The following TOR1AIP2 variants were observed in gnomAD, a reference collection of about 807,000 sequenced individuals.
The protein encoded by TOR1AIP2 is torsin-1A-interacting protein 2.
In TOR1AIP2, 20 loss-of-function variants were observed where a neutral mutation model predicts 32.6. That is an observed-to-expected ratio of 0.61 (90% CI 0.43 to 0.89). TOR1AIP2 has a LOEUF of 0.89. Ranked by LOEUF, TOR1AIP2 falls within the 40% of genes least tolerant of loss-of-function variation. The probability of loss-of-function intolerance (pLI) is 0.00; values close to 1 mark genes in which losing one functional copy is unlikely to be tolerated. For synonymous variants in TOR1AIP2, 214 were observed against 210.8 expected (o/e 1.02, Z -0.13); for missense variants, 456 against 553.8 (o/e 0.82, Z 1.77).
chr1:179,854,947 A>G (rs902459122), intron 3 of TOR1AIP2, among the ~76,000 whole-genome samples: 3 of 152,204 alleles, frequency 2.0e-5, no homozygotes, highest in African/African-American at 7.2e-5. Flanking sequence ...AACAGTATAC[A>G]GAATAGAGAG....
At chr1:179,848,916 G>A (rs1382196926) in intron 5 of TOR1AIP2, among the ~76,000 whole-genome samples, 14 of 152,084 alleles carry the variant, frequency 9.2e-5, no homozygotes, top group Non-Finnish European at 1.5e-4. Flanking sequence ...GGATCACAAG[G>A]TCAGGAGATC....
At chr1:179,858,162 A>G (rs1696377370) in intron 3 of TOR1AIP2, among the ~76,000 whole-genome samples, 1 of 152,158 alleles carries the variant, frequency 6.6e-6, no homozygotes, top group African/African-American at 2.4e-5. Flanking sequence ...AAAAACAAAC[A>G]AAATAAATAT....
intron 2 of TOR1AIP2, among the ~76,000 whole-genome samples, chr1:179,871,440 TAA>T (rs1697007483): frequency 6.6e-6 from 1 of 152,230 alleles, no homozygotes; most frequent in Non-Finnish European, 1.5e-5. Flanking sequence ...ACTTTTTAAT[TAA>T]CTTCTCTAAA....
intron 2 of TOR1AIP2, among the ~76,000 whole-genome samples, chr1:179,871,886 C>A (rs563393148): frequency 9.2e-5 from 14 of 152,150 alleles, no homozygotes; most frequent in African/African-American, 3.4e-4. Flanking sequence ...AATCATTCTT[C>A]TTTTTGAATT....
At chr1:179,847,672 G>C (rs1290165582) in intron 5 of TOR1AIP2, 36 bp from the exon 6 acceptor site, 1 of 1,328,746 alleles carries the variant, frequency 7.5e-7, no homozygotes, top group African/African-American at 1.4e-5. Flanking sequence ...TTTTTAGGCA[G>C]TACACTAATG....
rs1696108264 is a variant in TOR1AIP2 at position 179,851,301 on chromosome 1, T to C, written c.97A>G (p.Ile33Val). The C allele has an allele frequency of 2.5e-6, 4 of 1,606,846 alleles. No individual in the cohort carries two copies. The highest frequency in any genetic ancestry group is 1.3e-5 in the African/African-American group (1 of 74,704). The change falls in exon 5 of 7, where the codon ATA becomes GTA. Residue 33 changes from isoleucine (I) to valine (V), a missense_variant. Transcript: ENST00000609928. ...VNSQAQETTI[I>V]ASNAEEAEIL... ...TCAGCTTCTTCAGCATTACTTGCTA[T>C]GATTGTGGTCTCCTGCGCCTGAGAA...
chr1:179,854,295 T>C (rs1247816246), intron 3 of TOR1AIP2, among the ~76,000 whole-genome samples: 1 of 152,060 alleles, frequency 6.6e-6, no homozygotes, highest in Admixed American at 6.6e-5. Flanking sequence ...GAGAAAAATA[T>C]AGACCTTTAT....
At chr1:179,868,410 A>G (rs1258305246) in intron 2 of TOR1AIP2, 1 of 152,236 alleles carries the variant, frequency 6.6e-6, no homozygotes, top group East Asian at 1.9e-4. Context: ...GAATGAATAA[A>G]TGACAAAAAT....
In TOR1AIP2 at chr1:179,845,825, C is replaced by T. The variant is rs1417161833; in HGVS notation, c.*246G>A. 7.0e-6 allele frequency: 3 copies of T among 427,068 alleles called. No individual in the cohort carries two copies. Among genetic ancestry groups the T allele is most frequent in the Non-Finnish European group, 8.2e-6 (2 of 244,402 alleles). The allele number at this position is 427,068 out of a possible 1,614,324, so 26.5% of individuals were successfully genotyped here. On this transcript the variant is annotated 3_prime_UTR_variant, in exon 7 of 7. Transcript: ENST00000609928. ...TAAAAAAAATTCTCATATATATCAT[C>T]GATATTTCAAACCTGATTTGGTCCA...
chr1:179,856,932 G>A (rs1184734142), intron 3 of TOR1AIP2, among the ~76,000 whole-genome samples: 1 of 152,186 alleles, frequency 6.6e-6, no homozygotes, highest in Non-Finnish European at 1.5e-5. Context: ...TCAATCTTTT[G>A]AACAGTGTCT....
intron 2 of TOR1AIP2, among the ~76,000 whole-genome samples, chr1:179,866,812 A>G (rs900897311): frequency 6.6e-6 from 1 of 152,196 alleles, no homozygotes; most frequent in African/African-American, 2.4e-5. Flanking sequence ...TGCATAGTAA[A>G]TAAGTTGGAA....
intron 6 of TOR1AIP2, among the ~76,000 whole-genome samples, chr1:179,847,186 A>G (rs994853609): frequency 6.6e-6 from 1 of 152,140 alleles, no homozygotes; most frequent in Non-Finnish European, 1.5e-5. Flanking sequence ...TTCTCAATGC[A>G]CCTACTACCT....
At chr1:179,857,355 G>GT (rs1696343209) in intron 3 of TOR1AIP2, among the ~76,000 whole-genome samples, 3 of 152,200 alleles carry the variant, frequency 2.0e-5, no homozygotes, top group African/African-American at 7.2e-5. Flanking sequence ...ATCAAGGCTT[G>GT]TAACAGGTGA....
intron 5 of TOR1AIP2, among the ~76,000 whole-genome samples, chr1:179,848,598 A>G (rs1396189283): frequency 6.6e-6 from 1 of 152,214 alleles, no homozygotes; most frequent in Non-Finnish European, 1.5e-5. Flanking sequence ...GCTAAATCAC[A>G]CTAGAATCTA....
chr1:179,856,332 G>A (rs1038897111), intron 3 of TOR1AIP2, among the ~76,000 whole-genome samples: 1 of 152,104 alleles, frequency 6.6e-6, no homozygotes, highest in African/African-American at 2.4e-5. Context: ...GTATTACTTG[G>A]TTACTAGGTT....
At chr1:179,860,496 A>C in intron 3 of TOR1AIP2, 1 of 985,416 alleles carries the variant, frequency 1.0e-6, no homozygotes, top group Non-Finnish European at 1.2e-6. Flanking sequence ...AAACAAAACA[A>C]AACAAGTAAG....
rs1553233706 is a variant in TOR1AIP2, at chr1:179,840,889, T to TATAGTAATA, written c.*5181_*5182insTATTACTAT. 3.4e-5 allele frequency: 5 copies of TATAGTAATA among 146,748 alleles called. No individual in the cohort carries two copies. Among genetic ancestry groups the TATAGTAATA allele is most frequent in the Non-Finnish European group, 7.4e-5 (5 of 67,128 alleles). 9.1% of individuals were successfully genotyped at this position (146,748 alleles called of 1,614,324 possible). A position where few individuals can be genotyped will look rare whatever the true frequency, so the allele number is the denominator to read the frequency against. On this transcript the variant is annotated 3_prime_UTR_variant, in exon 7 of 7. Transcript: ENST00000609928. ...TCCACATGTATCCCAGAACTTAAAC[T>TATAGTAATA]ATAATAATAATAATAATAATAATAA...
At chr1:179,866,782 C>A (rs1049252571) in intron 2 of TOR1AIP2, among the ~76,000 whole-genome samples, 3 of 152,184 alleles carry the variant, frequency 2.0e-5, no homozygotes, top group African/African-American at 7.2e-5. Flanking sequence ...GAGCAATAGT[C>A]CTGAGCTATT....
At chr1:179,868,454 A>C (rs1391035476) in intron 2 of TOR1AIP2, 3 of 152,242 alleles carry the variant, frequency 2.0e-5, no homozygotes, top group Admixed American at 6.5e-5. Flanking sequence ...GTCTAATGAC[A>C]AGACTATAAA....
Sources: gnomAD v4.1 joint callset for allele counts (sites outside exome capture counted in the v4.1 genomes callset) on GRCh38, gnomAD v4.1.1 for gene constraint, MANE v1.5 for transcripts, NCBI Gene and HGNC (gene_info 2026-07-23, HGNC 2026-07-21) for gene names.